CEP152: variants seen among roughly 807,000 people sequenced by gnomAD.
The protein encoded by CEP152 is centrosomal protein 152.
Under a neutral mutation model 188.9 loss-of-function variants are expected in CEP152, and 132 were observed. The ratio of observed to expected loss-of-function variants is 0.70; its 90% confidence interval spans 0.61 to 0.81. The LOEUF (loss-of-function observed/expected upper bound fraction) is 0.81, where lower values mean the gene tolerates loss of function less well. Among genes scored for constraint, CEP152 ranks in the 30% least tolerant of loss-of-function variants. The pLI is 0.00. For synonymous variants in CEP152, 649 were observed against 666.6 expected, an observed-to-expected ratio of 0.97 and a Z score of 0.41; for missense variants, 1,914 against 1,969.8, an observed-to-expected ratio of 0.97 and a Z score of 0.54.
intron 24 of CEP152, 22 bp from the exon 25 acceptor site, chr15:48,742,122 C>T: frequency 6.2e-7 from 1 of 1,610,900 alleles, no homozygotes; most frequent in Non-Finnish European, 8.5e-7. Context: ...TGAGAAAATG[C>T]CCACAGAATG....
At chr15:48,806,338 G>A (rs147140745) in intron 1 of CEP152, among the ~76,000 whole-genome samples, 5 of 152,316 alleles carry the variant, frequency 3.3e-5, no homozygotes, top group Admixed American at 1.3e-4. Flanking sequence ...TGACTGCTGC[G>A]GCAGAAGCAG....
intron 8 of CEP152, 185 bp from the exon 9 acceptor site, chr15:48,789,186 G>C: frequency 3.2e-6 from 2 of 617,748 alleles, no homozygotes; most frequent in Non-Finnish European, 5.7e-6. Flanking sequence ...GACCCTCCAG[G>C]CCCATAGTTG....
At chr15:48,800,089 T>A (rs1405408297) in intron 2 of CEP152, among the ~76,000 whole-genome samples, 1 of 152,152 alleles carries the variant, frequency 6.6e-6, no homozygotes, top group Non-Finnish European at 1.5e-5. Context: ...AACTACATAA[T>A]AATTCAGCAG....
chr15:48,739,303 G>T lies in CEP152; in HGVS notation c.4094-15C>A. Reference sequence around the variant, plus strand: ...TAGGGGCAGTGCTATTATGTGCAAGGAAACACGAAATTAAGAGAAAATTAA... The same window carrying T: ...TAGGGGCAGTGCTATTATGTGCAAGTAAACACGAAATTAAGAGAAAATTAA... On this transcript the variant is annotated splice_polypyrimidine_tract_variant and intron_variant, in intron 26 of 26. Coordinates refer to ENST00000380950, the MANE Select transcript of CEP152 (RefSeq NM_001194998.2). 6.3e-7 allele frequency: 1 copy of T among 1,590,458 alleles called. No individual in the cohort carries two copies. Among genetic ancestry groups the T allele is most frequent in the South Asian group, 1.2e-5 (1 of 84,642 alleles).
chr15:48,781,156 G>GACCAACATTAGTCA, intron 12 of CEP152, 40 bp downstream of exon 12: 1 of 1,563,398 alleles, frequency 6.4e-7, no homozygotes, highest in South Asian at 1.1e-5. Flanking sequence ...CATTACTAAT[G>GACCAACATTAGTCA]TTGGTTCTTC....
intron 24 of CEP152, among the ~76,000 whole-genome samples, chr15:48,742,800 GCTAA>G (rs918399596): frequency 1.3e-5 from 2 of 151,576 alleles, no homozygotes; most frequent in African/African-American, 2.4e-5. Flanking sequence ...ATTAGCTAAG[GCTAA>G]CTTTTATTTT....
At chr15:48,749,663 T>G (rs748305403) in intron 21 of CEP152, among the ~76,000 whole-genome samples, 26 of 151,406 alleles carry the variant, frequency 1.7e-4, no homozygotes, top group Non-Finnish European at 2.5e-4. Context: ...AAACCCCAAA[T>G]GAGAAAAGTT....
intron 18 of CEP152, 115 bp downstream of exon 18, chr15:48,762,276 T>G (rs1166591161): frequency 1.9e-6 from 2 of 1,051,156 alleles, no homozygotes; most frequent in Non-Finnish European, 2.9e-6. Flanking sequence ...ATCCTAGAAA[T>G]GCACAAAATC....
In CEP152 at chr15:48,744,287, A is replaced by G. The variant is rs977161986; in HGVS notation, c.3788T>C (p.Leu1263Ser). The G allele has an allele frequency of 4.3e-6, 7 of 1,614,078 alleles. No homozygotes were observed. Among genetic ancestry groups the G allele is most frequent in the Middle Eastern group, 1.7e-4 (1 of 6,060 alleles). ...AATGTACTGCCCACGAAGTTCTTCC[A>G]AGGCTCCCCCACTGCATGGCAGGCA... The part of the protein sequence containing the change: ...NACLPCSGGA[L>S]EELRGQYIKA... The change falls in exon 24 of 27, where the codon TTG (leucine) becomes TCG (serine). Residue 1263 changes from leucine to serine, a missense_variant. Transcript: ENST00000380950.
intron 6 of CEP152, 55 bp downstream of exon 6, chr15:48,795,955 T>C (rs1396016515): frequency 6.8e-7 from 1 of 1,471,222 alleles, no homozygotes; most frequent in Non-Finnish European, 9.5e-7. Flanking sequence ...TCATTGTGTA[T>C]TCAAATTTCC....
At chr15:48,766,218 T>C (rs930671305) in intron 17 of CEP152, among the ~76,000 whole-genome samples, 2 of 152,240 alleles carry the variant, frequency 1.3e-5, no homozygotes, top group African/African-American at 2.4e-5. Context: ...TCTTTACTAT[T>C]CTTTTTAAGT....
At chr15:48,802,513 CCT>C (rs994261563) in intron 2 of CEP152, among the ~76,000 whole-genome samples, 5 of 152,164 alleles carry the variant, frequency 3.3e-5, no homozygotes, top group Non-Finnish European at 5.9e-5. Flanking sequence ...GGTTTATGTA[CCT>C]CTCTACTATG....
chr15:48,741,814 A>G, intron 25 of CEP152, 110 bp from the exon 26 acceptor site: 1 of 1,609,376 alleles, frequency 6.2e-7, no homozygotes, highest in Non-Finnish European at 8.5e-7. Flanking sequence ...AGGGTAGCAC[A>G]GCCATAAACC....
rs181900045 is a variant in CEP152, at chr15:48,750,814, A to C, written c.3466+1535T>G. On this transcript the variant is annotated intron_variant, in intron 21 of 26. Coordinates refer to ENST00000380950, the MANE Select transcript of CEP152 (RefSeq NM_001194998.2). ...GCAACAACTTTTTGAGGGTACATACACATAATTAAAACATTAAAAAAGACA... is the reference window on the plus strand; with the variant it reads ...GCAACAACTTTTTGAGGGTACATACCCATAATTAAAACATTAAAAAAGACA... Among the ~76,000 whole-genome samples the C allele has an allele frequency of 2.4e-3, 373 of 152,326 alleles. 1 individual carries two copies. The highest frequency in any genetic ancestry group is 8.3e-3 in the African/African-American group (343 of 41,570).
chr15:48,758,123 G>A (rs1017544848), intron 19 of CEP152, among the ~76,000 whole-genome samples: 5 of 152,242 alleles, frequency 3.3e-5, no homozygotes, highest in African/African-American at 1.2e-4. Flanking sequence ...CCAGGCAACA[G>A]TATTTTTTAA....
At chr15:48,736,574 T>C (rs1279449654), downstream of CEP152, among the ~76,000 whole-genome samples, 1 of 152,152 alleles carries the variant, frequency 6.6e-6, no homozygotes. Context: ...TGCACACTAA[T>C]AAGTGGATAC....
intron 26 of CEP152, 133 bp downstream of exon 26, chr15:48,741,458 TAAACTTCTAG>T (rs1892966536): frequency 6.5e-7 from 1 of 1,528,942 alleles, no homozygotes; most frequent in African/African-American, 1.4e-5. Flanking sequence ...TCTTTTTGCG[TAAACTTCTAG>T]TTTAAGTAAA....
At position 48,741,603 on chromosome 15, in the gene CEP152, G is replaced by T; in HGVS notation, c.4091C>A (p.Ser1364Ter). Residue 1364 changes from serine (S) to a stop codon, truncating the protein, a stop_gained and splice_region_variant, in exon 26 of 27, where the codon TCA becomes TAA. Transcript: ENST00000380950. LOFTEE classifies it low-confidence loss of function (END_TRUNC). Reference protein sequence around the residue: ...SSKSQSKTTQSALPLTSEMLI... With the variant: ...SSKSQSKTTQ ...TTTGGCGACTCACTTTGACATACCT[G>T]ACTGTGTAGTTTTGCTTTGGGACTT... 1 of 1,614,088 alleles carries T rather than the reference G, an allele frequency of 6.2e-7. No individual in the cohort carries two copies. The highest frequency in any genetic ancestry group is 1.1e-5 in the South Asian group (1 of 91,044).
intron 19 of CEP152, among the ~76,000 whole-genome samples, chr15:48,759,466 G>A (rs1894520868): frequency 6.6e-6 from 1 of 152,066 alleles, no homozygotes; most frequent in Non-Finnish European, 1.5e-5. Flanking sequence ...GTATTGCACT[G>A]AATTAAAATG....
Sources: gnomAD v4.1 joint callset for allele counts (sites outside exome capture counted in the v4.1 genomes callset) on GRCh38, gnomAD v4.1.1 for gene constraint, MANE v1.5 for transcripts, NCBI Gene and HGNC (gene_info 2026-07-23, HGNC 2026-07-21) for gene names.